MTUS2: variants seen among roughly 807,000 people sequenced by gnomAD.
MTUS2 encodes the protein microtubule associated scaffold protein 2, also known as microtubule-associated tumor suppressor candidate 2.
Under a neutral mutation model 114.1 loss-of-function variants are expected in MTUS2, and 40 were observed. That is an observed-to-expected ratio of 0.35 (90% CI 0.27 to 0.46). MTUS2 has a LOEUF of 0.46. Among genes scored for constraint, MTUS2 ranks in the 20% least tolerant of loss-of-function variants. MTUS2 has a pLI of 1.00. For synonymous variants in MTUS2, 688 were observed against 672.0 expected (o/e 1.02, Z -0.37); for missense variants, 1,679 against 1,705.4 (o/e 0.98, Z 0.27).
At chr13:29,263,324 G>A (rs77494450) in intron 5 of MTUS2, among the ~76,000 whole-genome samples, 1,912 of 152,160 alleles carry the variant, frequency 0.013, 36 homozygotes, top group African/African-American at 0.044. Flanking sequence ...ACAAGGGTGT[G>A]GTCTCTGGTC....
chr13:29,330,576 T>G (rs1593310681), intron 7 of MTUS2, among the ~76,000 whole-genome samples: 1 of 152,198 alleles, frequency 6.6e-6, no homozygotes, highest in Non-Finnish European at 1.5e-5. Flanking sequence ...GGTCTTATGT[T>G]TAAGTCTTTA....
At chr13:29,073,532 G>GGT (rs71870066) in intron 4 of MTUS2, among the ~76,000 whole-genome samples, 1 of 97,670 alleles carries the variant, frequency 1.0e-5, no homozygotes, top group Non-Finnish European at 2.4e-5. Flanking sequence ...GTGAAAGGCG[G>GGT]GTGTGTGTGT....
intron 5 of MTUS2, among the ~76,000 whole-genome samples, chr13:29,259,864 A>AT (rs536451664): frequency 1.4e-3 from 211 of 152,126 alleles, no homozygotes; most frequent in Non-Finnish European, 2.0e-3. Context: ...TCTATACGTG[A>AT]TTTTTCAGTC....
chr13:29,390,874 C>G (rs1042652257), intron 8 of MTUS2, among the ~76,000 whole-genome samples: 8 of 151,378 alleles, frequency 5.3e-5, no homozygotes, highest in Non-Finnish European at 1.0e-4. Flanking sequence ...CCTCTGCCTC[C>G]CAGGTTCAAG....
chr13:29,428,985 C>G (rs1041176406), intron 8 of MTUS2: 17 of 1,314,330 alleles, frequency 1.3e-5, no homozygotes, highest in Non-Finnish European at 1.8e-5. Context: ...TGCCTGTCCC[C>G]CTAGCATGCG....
At chr13:28,865,105 A>G (rs1353424397) in intron 2 of MTUS2, among the ~76,000 whole-genome samples, 1 of 152,120 alleles carries the variant, frequency 6.6e-6, no homozygotes, top group Non-Finnish European at 1.5e-5. Context: ...ATGTATGTGT[A>G]TATGGGGGTG....
chr13:29,293,234 C>A (rs925785700), intron 6 of MTUS2, among the ~76,000 whole-genome samples: 3 of 151,932 alleles, frequency 2.0e-5, no homozygotes, highest in African/African-American at 7.3e-5. Flanking sequence ...GTTTAAACAA[C>A]CCCTGAAAAT....
chr13:29,421,289 C>T (rs928912324), intron 8 of MTUS2, among the ~76,000 whole-genome samples: 6 of 152,114 alleles, frequency 3.9e-5, no homozygotes, highest in African/African-American at 7.2e-5. Context: ...AAGATCCAGC[C>T]CTAGAGATCC....
At chr13:29,007,759 G>A (rs1011062832) in intron 2 of MTUS2, among the ~76,000 whole-genome samples, 1 of 151,900 alleles carries the variant, frequency 6.6e-6, no homozygotes, top group East Asian at 1.9e-4. Flanking sequence ...TTTCCCTCTC[G>A]CTTTACTTTA....
intron 2 of MTUS2, among the ~76,000 whole-genome samples, chr13:28,883,347 C>T (rs545331587): frequency 4.6e-5 from 7 of 152,170 alleles, no homozygotes; most frequent in East Asian, 3.9e-4. Context: ...TGAACCTGCA[C>T]GAAAGTGTTC....
intron 6 of MTUS2, among the ~76,000 whole-genome samples, chr13:29,299,947 C>T (rs1899122629): frequency 6.6e-6 from 1 of 151,960 alleles, no homozygotes; most frequent in East Asian, 1.9e-4. Context: ...TTCATTGGAA[C>T]AATTTGAATT....
chr13:29,463,989 T>C (rs1879707149), intron 9 of MTUS2, among the ~76,000 whole-genome samples: 1 of 146,364 alleles, frequency 6.8e-6, no homozygotes, highest in Non-Finnish European at 1.5e-5. Context: ...TGAGACTGTG[T>C]CTCAAAAGAA....
chr13:29,187,987 T>C (rs1894293499), intron 5 of MTUS2, among the ~76,000 whole-genome samples: 1 of 152,198 alleles, frequency 6.6e-6, no homozygotes, highest in Non-Finnish European at 1.5e-5. Context: ...CATTTCCCCA[T>C]AGAAGCTACC....
At chr13:29,149,440 A>T (rs1461208903) in intron 5 of MTUS2, among the ~76,000 whole-genome samples, 1 of 152,172 alleles carries the variant, frequency 6.6e-6, no homozygotes, top group Non-Finnish European at 1.5e-5. Context: ...TGTCAGATGG[A>T]TAGATTACAC....
intron 2 of MTUS2, among the ~76,000 whole-genome samples, chr13:28,864,741 C>T (rs1318904730): frequency 6.6e-6 from 1 of 152,186 alleles, no homozygotes; most frequent in Non-Finnish European, 1.5e-5. Flanking sequence ...TGGGCATTTT[C>T]ACTTCAGTCC....
chr13:28,939,685 G>T (rs574309286), intron 2 of MTUS2, among the ~76,000 whole-genome samples: 1 of 152,078 alleles, frequency 6.6e-6, no homozygotes, highest in East Asian at 1.9e-4. Flanking sequence ...ATGGTGGACT[G>T]GTTTCTTGCA....
chr13:29,345,932 G>T (rs1387802447), intron 7 of MTUS2, among the ~76,000 whole-genome samples: 1 of 151,900 alleles, frequency 6.6e-6, no homozygotes, highest in African/African-American at 2.4e-5. Flanking sequence ...TTTTTTCTGG[G>T]TCTAGCCACC....
At chr13:28,958,029 C>T (rs1883152932) in intron 2 of MTUS2, among the ~76,000 whole-genome samples, 1 of 152,198 alleles carries the variant, frequency 6.6e-6, no homozygotes, top group Non-Finnish European at 1.5e-5. Flanking sequence ...CCGAGCACAG[C>T]CATTTTTTTC....
chr13:29,430,485 C>G (rs1876907261), intron 8 of MTUS2, among the ~76,000 whole-genome samples: 1 of 152,160 alleles, frequency 6.6e-6, no homozygotes, highest in Admixed American at 6.5e-5. Context: ...TTGAAACTTC[C>G]AGTTCTATAC....
Sources: allele counts gnomAD v4.1 joint callset (sites outside exome capture counted in the v4.1 genomes callset), GRCh38; gene constraint gnomAD v4.1.1; transcripts MANE v1.5; gene names NCBI Gene and HGNC (gene_info 2026-07-23, HGNC 2026-07-21).